ZNF431: variants seen among roughly 807,000 people sequenced by gnomAD.
The protein encoded by ZNF431 is zinc finger protein 431.
Under a neutral mutation model 57.0 loss-of-function variants are expected in ZNF431, and 34 were observed. That is an observed-to-expected ratio of 0.60 (90% CI 0.45 to 0.79). The LOEUF (loss-of-function observed/expected upper bound fraction) is 0.79, where lower values mean the gene tolerates loss of function less well. Ranked by LOEUF, ZNF431 falls within the 30% of genes least tolerant of loss-of-function variation. The pLI is 0.00. For synonymous variants in ZNF431, 207 were observed against 220.3 expected (o/e 0.94, Z 0.54); for missense variants, 607 against 667.1 (o/e 0.91, Z 0.99).
At chr19:21,167,920 G>A (rs1018192739) in intron 4 of ZNF431, among the ~76,000 whole-genome samples, 1 of 152,136 alleles carries the variant, frequency 6.6e-6, no homozygotes, top group African/African-American at 2.4e-5. Context: ...AAAGCATATT[G>A]TCATAGCATA....
chr19:21,167,770 A>C (rs992678691), intron 4 of ZNF431, 104 bp downstream of exon 4: 1 of 736,344 alleles, frequency 1.4e-6, no homozygotes, highest in Non-Finnish European at 2.0e-6. Flanking sequence ...GCTGTGTTAT[A>C]AAGCATGTAG....
intron 2 of ZNF431, among the ~76,000 whole-genome samples, chr19:21,157,848 A>ATTT (rs112684254): frequency 1.5e-5 from 2 of 137,688 alleles, no homozygotes; most frequent in Non-Finnish European, 1.6e-5. Flanking sequence ...TTTTTAATGA[A>ATTT]TTTTTTTTTT....
intron 2 of ZNF431, among the ~76,000 whole-genome samples, chr19:21,156,609 T>C (rs1970423614): frequency 6.6e-6 from 1 of 152,160 alleles, no homozygotes; most frequent in Non-Finnish European, 1.5e-5. Flanking sequence ...TTATAAATGA[T>C]AGCATGCATT....
chr19:21,195,110 C>T lies in ZNF431; in HGVS notation c.*11076C>T, dbSNP rs545690897. 6.6e-6 allele frequency: 1 copy of T among 150,606 alleles called. No individual in the cohort carries two copies. The highest frequency in any genetic ancestry group is 1.5e-5 in the Non-Finnish European group (1 of 67,694). The allele number at this position is 150,606 out of a possible 1,614,324, so 9.3% of individuals were successfully genotyped here. A position where few individuals can be genotyped will look rare whatever the true frequency, so the allele number is the denominator to read the frequency against. ...AAAAGCGTGTAAACAACAGTGATTG[C>T]TCCTGTGGCCCTGTGATTCAGCAGG... On this transcript the variant is annotated 3_prime_UTR_variant, in exon 5 of 5. Transcript: ENST00000311048.
rs757799689 is a variant in ZNF431, at chr19:21,166,436, A to C, written c.198A>C (p.Glu66Asp). 2 of 1,610,108 alleles carry C rather than the reference A, an allele frequency of 1.2e-6. No individual in the cohort carries two copies. The highest frequency in any genetic ancestry group is 3.4e-5 in the Admixed American group (2 of 58,702). The part of the protein sequence containing the change: ...QQNLYMNVML[E>D]NYKNLVFLGV... Reference sequence around the variant, plus strand: ...ATTTATATATGAATGTGATGTTAGAAAACTACAAAAACCTGGTCTTCTTGG... The same window carrying C: ...ATTTATATATGAATGTGATGTTAGACAACTACAAAAACCTGGTCTTCTTGG... Residue 66 changes from glutamate (E) to aspartate (D), a missense_variant, in exon 3 of 5, where the codon GAA becomes GAC. Coordinates refer to ENST00000311048, the MANE Select transcript of ZNF431 (RefSeq NM_133473.4).
chr19:21,151,573 G>C (rs1970274405), intron 2 of ZNF431, among the ~76,000 whole-genome samples: 1 of 152,138 alleles, frequency 6.6e-6, no homozygotes, highest in African/African-American at 2.4e-5. Context: ...GCCGGGAATT[G>C]AATCCTGAAC....
chr19:21,180,557 CATTT>C (rs1971180539), intron 4 of ZNF431, among the ~76,000 whole-genome samples: 1 of 148,358 alleles, frequency 6.7e-6, no homozygotes, highest in Non-Finnish European at 1.5e-5. Context: ...ACTTCTTTCT[CATTT>C]GTTTTGTGTA....
In ZNF431 at chr19:21,184,361, T is replaced by A. The variant is rs1042021908; in HGVS notation, c.*327T>A. ...GAGACTCCGTCTCAAAAAAAATTTA[T>A]ACTGTACAAAAACCCCACAAGTGTG... On this transcript the variant is annotated 3_prime_UTR_variant, in exon 5 of 5. Coordinates refer to ENST00000311048, the MANE Select transcript of ZNF431 (RefSeq NM_133473.4). The A allele has an allele frequency of 5.3e-6, 1 of 189,530 alleles. No individual in the cohort carries two copies. The highest frequency in any genetic ancestry group is 5.3e-5 in the Admixed American group (1 of 18,766). 11.7% of individuals were successfully genotyped at this position (189,530 alleles called of 1,614,324 possible). A position where few individuals can be genotyped will look rare whatever the true frequency, so the allele number is the denominator to read the frequency against.
At position 21,184,200 on chromosome 19, in the gene ZNF431, A is replaced by G. The variant is rs1192074691; in HGVS notation, c.*166A>G. 238 of 578,632 alleles carry G rather than the reference A, an allele frequency of 4.1e-4. No homozygotes were observed. The highest frequency in any genetic ancestry group is 1.1e-4 in the Non-Finnish European group (39 of 342,492). The allele number at this position is 578,632 out of a possible 1,614,324, so 35.8% of individuals were successfully genotyped here. On this transcript the variant is annotated 3_prime_UTR_variant, in exon 5 of 5. Coordinates refer to ENST00000311048, the MANE Select transcript of ZNF431 (RefSeq NM_133473.4). ...CCCTGTCTCTACTAAAAATACAAAA[A>G]TTATCTGGGTGTGGTGGCACGTGCC...
intron 4 of ZNF431, among the ~76,000 whole-genome samples, chr19:21,167,904 A>C (rs1005665564): frequency 2.6e-5 from 4 of 152,224 alleles, no homozygotes; most frequent in Admixed American, 2.0e-4. Flanking sequence ...AGTCTACAAG[A>C]GAGCCAAAGC....
rs1334202014 is a variant in ZNF431 at position 21,189,051 on chromosome 19, A to T, written c.*5017A>T. 6.6e-6 allele frequency: 1 copy of T among 152,220 alleles called. No individual in the cohort carries two copies. Among genetic ancestry groups the T allele is most frequent in the Non-Finnish European group, 1.5e-5 (1 of 68,048 alleles). 9.4% of individuals were successfully genotyped at this position (152,220 alleles called of 1,614,324 possible). A position where few individuals can be genotyped will look rare whatever the true frequency, so the allele number is the denominator to read the frequency against. On this transcript the variant is annotated 3_prime_UTR_variant, in exon 5 of 5. Coordinates refer to ENST00000311048, the MANE Select transcript of ZNF431 (RefSeq NM_133473.4). Reference sequence around the variant, plus strand: ...CTATTTAACCAAGATTATCACAAAGACACAGTATTTGACACATTGTTATTC... The same window carrying T: ...CTATTTAACCAAGATTATCACAAAGTCACAGTATTTGACACATTGTTATTC...
chr19:21,174,112 C>T (rs1358377502), intron 4 of ZNF431, among the ~76,000 whole-genome samples: 1 of 151,894 alleles, frequency 6.6e-6, no homozygotes, highest in Admixed American at 6.6e-5. Flanking sequence ...TCTTTGTCTT[C>T]CACCATGATT....
rs1374386284 is a variant in ZNF431 at position 21,190,373 on chromosome 19, TGTATTACCTG to T, written c.*6343_*6352del. On this transcript the variant is annotated 3_prime_UTR_variant, in exon 5 of 5. Transcript: ENST00000311048. ...GATATATACCCAGTAGTGCGATTGC[TGTATTACCTG>T]GTAGTTTTTTTGATAAATCTGTATT... 1.3e-5 allele frequency: 2 copies of T among 152,468 alleles called. No individual in the cohort carries two copies. The highest frequency in any genetic ancestry group is 4.8e-5 in the African/African-American group (2 of 41,480). 9.4% of individuals were successfully genotyped at this position (152,468 alleles called of 1,614,324 possible). A position where few individuals can be genotyped will look rare whatever the true frequency, so the allele number is the denominator to read the frequency against.
intron 2 of ZNF431, among the ~76,000 whole-genome samples, chr19:21,164,747 T>G (rs1325260520): frequency 6.6e-6 from 1 of 152,030 alleles, no homozygotes; most frequent in Non-Finnish European, 1.5e-5. Context: ...TCTGCTTGTG[T>G]TTTTCCTCCC....
intron 2 of ZNF431, among the ~76,000 whole-genome samples, chr19:21,150,724 A>T (rs1240712750): frequency 2.0e-5 from 3 of 152,228 alleles, no homozygotes; most frequent in Non-Finnish European, 2.9e-5. Flanking sequence ...TGATCCAAAT[A>T]TGAAGAACTG....
At chr19:21,160,288 A>C (rs1970536931) in intron 2 of ZNF431, among the ~76,000 whole-genome samples, 1 of 152,162 alleles carries the variant, frequency 6.6e-6, no homozygotes, top group African/African-American at 2.4e-5. Context: ...GATCTTGTTC[A>C]ATGACCTGTT....
chr19:21,153,901 A>C (rs1322880906), intron 2 of ZNF431, among the ~76,000 whole-genome samples: 1 of 152,122 alleles, frequency 6.6e-6, no homozygotes, highest in African/African-American at 2.4e-5. Context: ...TTTTTAGTAG[A>C]GACGGGGTTT....
intron 4 of ZNF431, among the ~76,000 whole-genome samples, chr19:21,174,747 T>A (rs1971001600): frequency 6.6e-6 from 1 of 152,132 alleles, no homozygotes; most frequent in Non-Finnish European, 1.5e-5. Flanking sequence ...TATAAATGTA[T>A]GTATGTATGT....
intron 2 of ZNF431, among the ~76,000 whole-genome samples, chr19:21,151,589 C>T (rs1410263829): frequency 2.0e-5 from 3 of 152,082 alleles, no homozygotes; most frequent in Non-Finnish European, 4.4e-5. Flanking sequence ...TGAACCTGGG[C>T]CACCATTATG....
Sources: gnomAD v4.1 joint callset for allele counts (sites outside exome capture counted in the v4.1 genomes callset) on GRCh38, gnomAD v4.1.1 for gene constraint, MANE v1.5 for transcripts, NCBI Gene and HGNC (gene_info 2026-07-23, HGNC 2026-07-21) for gene names.